PTPRK: variants seen among roughly 807,000 people sequenced by gnomAD.
The protein encoded by PTPRK is protein tyrosine phosphatase receptor type K.
PTPRK carries 75 observed loss-of-function variants against 178.0 expected under a neutral mutation model. The ratio of observed to expected loss-of-function variants is 0.42; its 90% confidence interval spans 0.35 to 0.51. The LOEUF (loss-of-function observed/expected upper bound fraction) is 0.51, where lower values mean the gene tolerates loss of function less well. Ranked by LOEUF, PTPRK falls within the 20% of genes least tolerant of loss-of-function variation. PTPRK has a pLI of 0.02. For missense variants in PTPRK, 1,441 were observed against 1,797.8 expected, an observed-to-expected ratio of 0.80 and a Z score of 3.59; for synonymous variants, 637 against 620.6, an observed-to-expected ratio of 1.03 and a Z score of -0.39.
At chr6:128,095,908 C>T (rs1004518304) in intron 7 of PTPRK, among the ~76,000 whole-genome samples, 2 of 152,170 alleles carry the variant, frequency 1.3e-5, no homozygotes, top group Admixed American at 6.5e-5. Flanking sequence ...ATTAAAAATA[C>T]ATATATTCAA....
At chr6:128,421,736 G>A (rs761915458) in intron 1 of PTPRK, among the ~76,000 whole-genome samples, 2 of 152,184 alleles carry the variant, frequency 1.3e-5, no homozygotes, top group Non-Finnish European at 2.9e-5. Flanking sequence ...AAACAGCAGA[G>A]AGGAGTTGAT....
In PTPRK at chr6:127,973,160, G is replaced by A. The variant is rs757143703; in HGVS notation, c.4134-3C>T. On this transcript the variant is annotated splice_region_variant and splice_polypyrimidine_tract_variant and intron_variant, in intron 28 of 29. Transcript: ENST00000368226. ...TGCCACTTCGCCCGCCACCATTTCTGAAAGCAAAGAAAGCAAAGGCATTTT... is the reference window on the plus strand; with the variant it reads ...TGCCACTTCGCCCGCCACCATTTCTAAAAGCAAAGAAAGCAAAGGCATTTT... The A allele has an allele frequency of 1.3e-5, 21 of 1,613,408 alleles. No homozygotes were observed. In the African/African-American group the frequency reaches 2.8e-4, roughly 22 times the overall value.
At chr6:128,257,463 A>C (rs991035859) in intron 3 of PTPRK, among the ~76,000 whole-genome samples, 1 of 152,178 alleles carries the variant, frequency 6.6e-6, no homozygotes, top group Non-Finnish European at 1.5e-5. Flanking sequence ...AGACCTAAAC[A>C]TGTAATAGTA....
intron 13 of PTPRK, among the ~76,000 whole-genome samples, chr6:128,019,475 C>G (rs1314247861): frequency 6.6e-6 from 1 of 151,090 alleles, no homozygotes; most frequent in Non-Finnish European, 1.5e-5. Flanking sequence ...TAAAAGCAGA[C>G]TTAAATGGAT....
intron 7 of PTPRK, among the ~76,000 whole-genome samples, chr6:128,179,692 C>T (rs1385438648): frequency 2.0e-5 from 3 of 151,968 alleles, no homozygotes; most frequent in Non-Finnish European, 4.4e-5. Flanking sequence ...AACCTCTAGG[C>T]TGAGTGTTAG....
At chr6:128,235,964 C>A (rs1813177712) in intron 5 of PTPRK, among the ~76,000 whole-genome samples, 1 of 152,046 alleles carries the variant, frequency 6.6e-6, no homozygotes, top group African/African-American at 2.4e-5. Context: ...ACTTTTATTA[C>A]AGTATATTGT....
At chr6:128,194,354 G>T (rs1033137228) in intron 6 of PTPRK, among the ~76,000 whole-genome samples, 2 of 151,978 alleles carry the variant, frequency 1.3e-5, no homozygotes, top group African/African-American at 4.8e-5. Context: ...CCAAAGTGCT[G>T]GGATTACAGG....
At chr6:128,179,705 G>C (rs1349006569) in intron 7 of PTPRK, among the ~76,000 whole-genome samples, 1 of 151,926 alleles carries the variant, frequency 6.6e-6, no homozygotes, top group Non-Finnish European at 1.5e-5. Context: ...AGTGTTAGCG[G>C]TTACTAGTCT....
At chr6:128,174,931 CAG>C (rs1276728724) in intron 7 of PTPRK, among the ~76,000 whole-genome samples, 1 of 151,874 alleles carries the variant, frequency 6.6e-6, no homozygotes, top group African/African-American at 2.4e-5. Context: ...CAGCTCAACA[CAG>C]AAATGCATTC....
At chr6:128,238,568 C>T (rs1415803471) in intron 5 of PTPRK, among the ~76,000 whole-genome samples, 1 of 152,174 alleles carries the variant, frequency 6.6e-6, no homozygotes, top group African/African-American at 2.4e-5. Flanking sequence ...AGCCAAATGC[C>T]AGCTAATGTT....
rs10552787 is a variant in PTPRK at position 128,169,783 on chromosome 6, ATGTGTGTGTGTGTG to A, written c.1162+14635_1162+14648del. Among the ~76,000 whole-genome samples the A allele has an allele frequency of 3.6e-3, 527 of 145,542 alleles. 6 individuals are homozygous for A. In the East Asian group the frequency reaches 0.053, roughly 15 times the overall value. Reference sequence around the variant, plus strand: ...CCCACTTAAATATGTTATTTTTTTAATGTGTGTGTGTGTGTGTGTGTGTGTGTGTGTGTGTGTAT... The same window carrying A: ...CCCACTTAAATATGTTATTTTTTTAATGTGTGTGTGTGTGTGTGTGTGTAT... On this transcript the variant is annotated intron_variant, in intron 7 of 29. Transcript: ENST00000368226.
Position 127,982,869 on chromosome 6 carries a change from A to C in PTPRK, c.3499T>G (p.Ser1167Ala), listed in dbSNP as rs1269836879. 6.2e-7 allele frequency: 1 copy of C among 1,612,382 alleles called. No homozygotes were observed. Among genetic ancestry groups the C allele is most frequent in the East Asian group, 2.2e-5 (1 of 44,786 alleles). Residue 1167 changes from serine to alanine, a missense_variant, in exon 24 of 30, where the codon TCC (serine) becomes GCC (alanine). Ser to Ala is a moderately conservative substitution (Grantham distance 99, BLOSUM62 1). This residue lies in a region of PTPRK where 335 missense variants were observed against 512.4 expected (regional missense o/e 0.65). Coordinates refer to ENST00000368226, the MANE Select transcript of PTPRK (RefSeq NM_002844.4). ...TTGAGATGTGAAGAGTTAGTCTGGG[A>C]GTCTATTCTAATCATATCAAAATAT... ...AAYFDMIRID[S>A]QTNSSHLKDE... is the part of the protein sequence containing the mutation.
chr6:128,146,540 T>C (rs1469919164), intron 7 of PTPRK, among the ~76,000 whole-genome samples: 1 of 151,322 alleles, frequency 6.6e-6, no homozygotes, highest in East Asian at 2.0e-4. Context: ...GCCTCCTGGG[T>C]TCAAGCGATT....
At chr6:128,404,290 G>A (rs953762458) in intron 1 of PTPRK, among the ~76,000 whole-genome samples, 2 of 152,200 alleles carry the variant, frequency 1.3e-5, no homozygotes, top group Non-Finnish European at 2.9e-5. Flanking sequence ...ACTAGAAAAG[G>A]TGAGAACTAG....
intron 3 of PTPRK, among the ~76,000 whole-genome samples, chr6:128,317,048 T>C (rs1828102331): frequency 6.6e-6 from 1 of 152,138 alleles, no homozygotes; most frequent in Admixed American, 6.5e-5. Context: ...TTTGCCAGTG[T>C]AAAAATAAGC....
intron 7 of PTPRK, among the ~76,000 whole-genome samples, chr6:128,162,041 T>C (rs1383806325): frequency 6.6e-6 from 1 of 151,568 alleles, no homozygotes; most frequent in African/African-American, 2.4e-5. Context: ...CCAGACAATT[T>C]AGAGCTTACA....
intron 7 of PTPRK, among the ~76,000 whole-genome samples, chr6:128,182,438 G>A (rs1294930606): frequency 6.6e-6 from 1 of 152,042 alleles, no homozygotes; most frequent in Non-Finnish European, 1.5e-5. Flanking sequence ...GCTGGGCATG[G>A]TAGCGCATGC....
intron 1 of PTPRK, among the ~76,000 whole-genome samples, chr6:128,424,251 A>ACC (rs1351437658): frequency 6.6e-6 from 1 of 152,072 alleles, no homozygotes; most frequent in African/African-American, 2.4e-5. Flanking sequence ...TTAATAAATA[A>ACC]ATAAAAGTTT....
rs1773660032 is a variant in PTPRK, at chr6:127,969,276, C to T, written c.*951G>A. On this transcript the variant is annotated 3_prime_UTR_variant, in exon 30 of 30. Transcript: ENST00000368226. ...TGTGTACATTTCTCATGTATGATCA[C>T]CAAACCATTATTTACCTAATGAAAT... is the stretch of plus-strand genomic sequence containing the variant. 6.6e-6 allele frequency: 1 copy of T among 152,108 alleles called. No homozygotes were observed. The highest frequency in any genetic ancestry group is 2.4e-5 in the African/African-American group (1 of 41,420). The allele number at this position is 152,108 out of a possible 1,614,324, so 9.4% of individuals were successfully genotyped here. A position where few individuals can be genotyped will look rare whatever the true frequency, so the allele number is the denominator to read the frequency against.
Sources: allele counts gnomAD v4.1 joint callset (sites outside exome capture counted in the v4.1 genomes callset), GRCh38; gene constraint gnomAD v4.1.1; regional missense constraint gnomAD v4.1.1; transcripts MANE v1.5; gene names NCBI Gene and HGNC (gene_info 2026-07-23, HGNC 2026-07-21).